SYCP1: variants seen among roughly 807,000 people sequenced by gnomAD.
SYCP1 encodes the protein synaptonemal complex protein 1, also known as cancer/testis antigen 8.
A neutral mutation model predicts 153.1 loss-of-function variants in SYCP1; 64 were observed. That is an observed-to-expected ratio of 0.42 (90% CI 0.34 to 0.51). SYCP1 has a LOEUF of 0.51. Ranked by LOEUF, SYCP1 falls within the 20% of genes least tolerant of loss-of-function variation. SYCP1 has a pLI of 0.06. For synonymous variants in SYCP1, 384 were observed against 341.8 expected (o/e 1.12, Z -1.36); for missense variants, 997 against 1,049.0 (o/e 0.95, Z 0.68).
At position 114,944,563 on chromosome 1, in the gene SYCP1, GA is replaced by G. The variant is rs200727366; in HGVS notation, c.2043+112del. On this transcript the variant is annotated intron_variant, in intron 24 of 31. Transcript: ENST00000369522. ...TCTTAACTATTAAATTACAATTTTA[GA>G]AAAGGGTTAGTAAATTTATATAAGG... The G allele has an allele frequency of 4.4e-3, 3,138 of 712,710 alleles. 75 individuals are homozygous for G. In the African/African-American group the frequency reaches 0.053, roughly 12 times the overall value. The allele number at this position is 712,710 out of a possible 1,614,324, so 44.1% of individuals were successfully genotyped here.
chr1:114,976,864 T>A lies in SYCP1; in HGVS notation c.2323-693T>A, dbSNP rs908696513. On this transcript the variant is annotated intron_variant, in intron 27 of 31. Transcript: ENST00000369522. ...GTGAGGATAGATACTGGCATAGACA[T>A]CATGGGCGAGTTTTACTGCCTAAAA... 1.3e-5 allele frequency among the ~76,000 whole-genome samples: 2 copies of A among 151,752 alleles called. 1 individual carries two copies.
intron 24 of SYCP1, 84 bp downstream of exon 24, chr1:114,944,539 C>T: frequency 1.2e-6 from 1 of 818,606 alleles, no homozygotes; most frequent in Non-Finnish European, 1.9e-6. Context: ...GTAAAAAAAT[C>T]TTAACTATTA....
At chr1:114,976,403 G>A (rs563076518) in intron 27 of SYCP1, among the ~76,000 whole-genome samples, 1 of 151,900 alleles carries the variant, frequency 6.6e-6, no homozygotes, top group South Asian at 2.1e-4. Flanking sequence ...TAAGGGAACT[G>A]ATGATTATTT....
intron 27 of SYCP1, among the ~76,000 whole-genome samples, chr1:114,952,468 A>G (rs948935313): frequency 6.6e-6 from 1 of 152,212 alleles, no homozygotes; most frequent in Non-Finnish European, 1.5e-5. Context: ...GTAATTTATA[A>G]AGAAAAGAGG....
intron 8 of SYCP1, among the ~76,000 whole-genome samples, chr1:114,868,982 A>G (rs1260147317): frequency 6.6e-6 from 1 of 152,100 alleles, no homozygotes; most frequent in African/African-American, 2.4e-5. Context: ...TTTTCAAATA[A>G]CCAGCTTTTG....
At chr1:114,946,532 G>T in intron 26 of SYCP1, 151 bp downstream of exon 26, 12 of 391,538 alleles carry the variant, frequency 3.1e-5, no homozygotes, top group East Asian at 6.1e-5. Flanking sequence ...CTAGTTACAT[G>T]TTTTTTTCTA....
At chr1:114,908,490 T>A (rs940878181) in intron 16 of SYCP1, among the ~76,000 whole-genome samples, 1 of 152,170 alleles carries the variant, frequency 6.6e-6, no homozygotes, top group Non-Finnish European at 1.5e-5. Flanking sequence ...AATTATACAT[T>A]GATTTGATCT....
chr1:114,903,045 T>C (rs1474244117), intron 16 of SYCP1, among the ~76,000 whole-genome samples: 2 of 152,050 alleles, frequency 1.3e-5, no homozygotes, highest in Non-Finnish European at 2.9e-5. Context: ...CTGGGCGTGG[T>C]GGCAGTGTGA....
intron 16 of SYCP1, among the ~76,000 whole-genome samples, chr1:114,895,898 T>C (rs1667025627): frequency 6.6e-6 from 1 of 152,108 alleles, no homozygotes; most frequent in South Asian, 2.1e-4. Flanking sequence ...AGTGAAGATG[T>C]AGGGTAAAAT....
chr1:114,867,832 T>C (rs1348775710), intron 8 of SYCP1, among the ~76,000 whole-genome samples: 2 of 152,148 alleles, frequency 1.3e-5, no homozygotes, highest in Non-Finnish European at 2.9e-5. Flanking sequence ...CCTTGCCTTG[T>C]TCCTGATCTT....
At chr1:114,988,080 C>CAAAAAAAAAAAAAAAAAAAAAAAAAA (rs34553973) in intron 30 of SYCP1, among the ~76,000 whole-genome samples, 2 of 114,646 alleles carry the variant, frequency 1.7e-5, no homozygotes, top group African/African-American at 3.9e-5. Context: ...TGATAAACGG[C>CAAAAAAAAAAAAAAAAAAAAAAAAAA]AAAAAAAAAA....
Position 114,943,776 on chromosome 1 carries a change from G to A in SYCP1, c.1927-563G>A, listed in dbSNP as rs893532644. Among the ~76,000 whole-genome samples, 8 of 151,556 alleles carry A rather than the reference G, an allele frequency of 5.3e-5. 1 individual carries two copies. Among genetic ancestry groups the A allele is most frequent in the Admixed American group, 5.3e-4 (8 of 15,202 alleles). On this transcript the variant is annotated intron_variant, in intron 23 of 31. Coordinates refer to ENST00000369522, the MANE Select transcript of SYCP1 (RefSeq NM_003176.4). The stretch of plus-strand genomic sequence containing the variant: ...ACCCATAACCCTCTTCCCAATTCCT[G>A]TCCCTGCCGTATAACACCTTGCCAG...
At chr1:114,951,856 C>G (rs1570846025) in intron 27 of SYCP1, among the ~76,000 whole-genome samples, 1 of 151,746 alleles carries the variant, frequency 6.6e-6, no homozygotes, top group Admixed American at 6.6e-5. Flanking sequence ...TATAATTTTG[C>G]CATTTCGAGA....
In SYCP1 at chr1:114,947,227, C is replaced by T; in HGVS notation, c.2248-19C>T. 6.3e-7 allele frequency: 1 copy of T among 1,585,646 alleles called. No individual in the cohort carries two copies. The highest frequency in any genetic ancestry group is 8.6e-7 in the Non-Finnish European group (1 of 1,159,270). ...AATACATGGAAGCTCTTCTAAACTT[C>T]ATGTTTCTTTTTCTTTAGGAGATTG... is the stretch of plus-strand genomic sequence containing the variant. On this transcript the variant is annotated intron_variant, in intron 26 of 31. Coordinates refer to ENST00000369522, the MANE Select transcript of SYCP1 (RefSeq NM_003176.4).
intron 30 of SYCP1, among the ~76,000 whole-genome samples, chr1:114,986,591 G>T (rs1326959652): frequency 1.3e-5 from 2 of 151,914 alleles, no homozygotes; most frequent in Admixed American, 1.3e-4. Context: ...CAGTTTCCTG[G>T]TTATAATTAT....
At chr1:114,922,398 G>C (rs1232432156) in intron 20 of SYCP1, among the ~76,000 whole-genome samples, 1 of 152,102 alleles carries the variant, frequency 6.6e-6, no homozygotes, top group Non-Finnish European at 1.5e-5. Flanking sequence ...AGTTCCATAG[G>C]TCATACAGAA....
At chr1:114,922,847 C>T (rs1362472886) in intron 20 of SYCP1, among the ~76,000 whole-genome samples, 1 of 152,174 alleles carries the variant, frequency 6.6e-6, no homozygotes, top group Non-Finnish European at 1.5e-5. Context: ...ATCCCCTCCA[C>T]CTGTAAAATC....
intron 23 of SYCP1, among the ~76,000 whole-genome samples, chr1:114,940,556 TAATTTCTA>T (rs1227849212): frequency 1.3e-5 from 2 of 152,230 alleles, no homozygotes; most frequent in Non-Finnish European, 2.9e-5. Context: ...CTGTATCTCT[TAATTTCTA>T]AATTTAAGGG....
At chr1:114,952,939 A>G (rs1671201075) in intron 27 of SYCP1, among the ~76,000 whole-genome samples, 1 of 152,198 alleles carries the variant, frequency 6.6e-6, no homozygotes, top group Non-Finnish European at 1.5e-5. Flanking sequence ...TATTTTTCTC[A>G]CAGTTCTGGA....
Sources: gnomAD v4.1 joint callset for allele counts (sites outside exome capture counted in the v4.1 genomes callset) on GRCh38, gnomAD v4.1.1 for gene constraint, MANE v1.5 for transcripts, NCBI Gene and HGNC (gene_info 2026-07-23, HGNC 2026-07-21) for gene names.